GRM1: variants seen among roughly 807,000 people sequenced by gnomAD.
GRM1 encodes the protein metabotropic glutamate receptor 1.
In GRM1, 33 loss-of-function variants were observed where a neutral mutation model predicts 90.9. The ratio of observed to expected loss-of-function variants is 0.36; its 90% CI spans 0.28 to 0.49. The LOEUF (loss-of-function observed/expected upper bound fraction) is 0.49, where lower values mean the gene tolerates loss of function less well. GRM1 is among the 20% of genes least tolerant of loss of function. GRM1 has a pLI of 0.99. For synonymous variants in GRM1, 700 were observed against 613.2 expected (o/e 1.14, Z -2.09); for missense variants, 1,190 against 1,534.3 (o/e 0.78, Z 3.75).
chr6:146,257,974 G>A (rs754387885), intron 2 of GRM1, among the ~76,000 whole-genome samples: 9 of 143,882 alleles, frequency 6.3e-5, no homozygotes, highest in Admixed American at 7.1e-5. Flanking sequence ...CTTTCCATCC[G>A]TTTGTTCTTC....
chr6:146,203,547 G>A (rs1192653111), intron 2 of GRM1, among the ~76,000 whole-genome samples: 1 of 152,166 alleles, frequency 6.6e-6, no homozygotes, highest in Admixed American at 6.5e-5. Flanking sequence ...ACTCTGACTA[G>A]ATAGTCCTAT....
intron 2 of GRM1, among the ~76,000 whole-genome samples, chr6:146,225,878 A>T (rs763884124): frequency 3.9e-5 from 6 of 152,180 alleles, no homozygotes; most frequent in South Asian, 2.1e-4. Context: ...ATAAATGAGT[A>T]TGGCAAATCT....
chr6:146,291,164 C>T (rs1320442342), intron 2 of GRM1, among the ~76,000 whole-genome samples: 1 of 151,964 alleles, frequency 6.6e-6, no homozygotes, highest in Non-Finnish European at 1.5e-5. Flanking sequence ...TTTTTGTTTA[C>T]ATTTCCCTGG....
chr6:146,417,220 A>G (rs1198762081), intron 7 of GRM1, among the ~76,000 whole-genome samples: 2 of 152,176 alleles, frequency 1.3e-5, no homozygotes, highest in African/African-American at 4.8e-5. Flanking sequence ...TGTTCCTTCT[A>G]ATTTGTTGAT....
chr6:146,043,921 G>A (rs1439952781), intron 1 of GRM1, among the ~76,000 whole-genome samples: 1 of 151,008 alleles, frequency 6.6e-6, no homozygotes, highest in African/African-American at 2.4e-5. Context: ...GGAAACTGGA[G>A]GTATCTTACA....
intron 3 of GRM1, among the ~76,000 whole-genome samples, chr6:146,335,486 T>C (rs1784738954): frequency 6.6e-6 from 1 of 152,214 alleles, no homozygotes; most frequent in Non-Finnish European, 1.5e-5. Context: ...GTTTTATTTA[T>C]ATCACATTGT....
At chr6:146,126,400 T>C (rs763530109) in intron 1 of GRM1, among the ~76,000 whole-genome samples, 1 of 152,134 alleles carries the variant, frequency 6.6e-6, no homozygotes, top group Non-Finnish European at 1.5e-5. Flanking sequence ...GGTGCACATA[T>C]ATTTGTATAC....
intron 5 of GRM1, among the ~76,000 whole-genome samples, chr6:146,376,020 C>CT (rs1776085615): frequency 6.6e-6 from 1 of 151,794 alleles, no homozygotes; most frequent in African/African-American, 2.4e-5. Flanking sequence ...TCTTGCTTTT[C>CT]TTTTTTGTGT....
Position 146,386,921 on chromosome 6 carries a change from G to A in GRM1, c.1634G>A (p.Trp545Ter). ...VIRKGEVSCC[W>*]ICTACKENEY... ...CGGAAAGGAGAAGTGAGCTGCTGCT[G>A]GATTTGCACGGCCTGCAAAGAGAAT... Residue 545 changes from tryptophan to a stop codon, truncating the protein, a stop_gained, in exon 6 of 8, where the codon TGG becomes TAG. Coordinates refer to ENST00000282753, the MANE Select transcript of GRM1 (RefSeq NM_001278064.2). LOFTEE classifies it high-confidence loss of function. 1 of 1,609,750 alleles carries A rather than the reference G, an allele frequency of 6.2e-7. No homozygotes were observed. Among genetic ancestry groups the A allele is most frequent in the Non-Finnish European group, 8.5e-7 (1 of 1,176,242 alleles).
intron 3 of GRM1, among the ~76,000 whole-genome samples, chr6:146,332,880 A>T (rs1189917038): frequency 6.6e-6 from 1 of 152,198 alleles, no homozygotes; most frequent in African/African-American, 2.4e-5. Context: ...TCAGAGGGTT[A>T]GTTCCTGATA....
At chr6:146,082,602 C>T (rs1776401757) in intron 1 of GRM1, among the ~76,000 whole-genome samples, 1 of 152,172 alleles carries the variant, frequency 6.6e-6, no homozygotes, top group African/African-American at 2.4e-5. Context: ...CAAGTTCTAT[C>T]AAATCCATCT....
chr6:146,151,781 T>C (rs1562495072), intron 1 of GRM1, among the ~76,000 whole-genome samples: 1 of 152,192 alleles, frequency 6.6e-6, no homozygotes, highest in Non-Finnish European at 1.5e-5. Context: ...TTAACTTTAC[T>C]CTGGTATAAA....
Position 146,113,701 on chromosome 6 carries a change from A to G in GRM1, c.701-45647A>G, listed in dbSNP as rs146069402. 5.8e-3 allele frequency among the ~76,000 whole-genome samples: 886 copies of G among 152,322 alleles called. 6 individuals are homozygous for G. Among genetic ancestry groups the G allele is most frequent in the Middle Eastern group, 0.027 (8 of 294 alleles). On this transcript the variant is annotated intron_variant, in intron 1 of 7. Coordinates refer to ENST00000282753, the MANE Select transcript of GRM1 (RefSeq NM_001278064.2). The stretch of plus-strand genomic sequence containing the variant: ...AGTTTTTCCTCTCCAAATTTTTGAA[A>G]CAAAGCCTATAAATGACAGTGAAAC...
rs576516543 is a variant in GRM1, at chr6:146,374,450, T to G, written c.1603-12440T>G. Among the ~76,000 whole-genome samples, 3 of 152,240 alleles carry G rather than the reference T, an allele frequency of 2.0e-5. No homozygotes were observed. In the East Asian group the frequency reaches 5.8e-4, roughly 29 times the overall value. On this transcript the variant is annotated intron_variant, in intron 5 of 7. Transcript: ENST00000282753. ...TAGTTTGAGTAGAATTGGTATTAGG[T>G]TTTCTTTAAATGCTTGATAGAAATC...
chr6:146,219,863 T>G lies in GRM1; in HGVS notation c.950+60266T>G, dbSNP rs576795337. 2.0e-5 allele frequency among the ~76,000 whole-genome samples: 3 copies of G among 152,164 alleles called. No homozygotes were observed. In the East Asian group the frequency reaches 5.8e-4, roughly 29 times the overall value. ...CTCTCTGGCAAAAACTTCAGTGAAT[T>G]CTACCTTGTTACAAATACCTCCAAT... is the stretch of plus-strand genomic sequence containing the variant. On this transcript the variant is annotated intron_variant, in intron 2 of 7. Transcript: ENST00000282753.
intron 3 of GRM1, among the ~76,000 whole-genome samples, chr6:146,318,994 T>C (rs904364789): frequency 1.3e-5 from 2 of 152,236 alleles, no homozygotes; most frequent in Admixed American, 1.3e-4. Context: ...CAGAAGCTCT[T>C]TAATTAGATA....
intron 2 of GRM1, among the ~76,000 whole-genome samples, chr6:146,227,953 T>G (rs749273564): frequency 2.0e-5 from 3 of 152,156 alleles, no homozygotes; most frequent in Non-Finnish European, 4.4e-5. Flanking sequence ...AATCTGCACT[T>G]CTTAGAGATT....
intron 7 of GRM1, among the ~76,000 whole-genome samples, chr6:146,431,290 T>C (rs1233865918): frequency 6.6e-6 from 1 of 152,136 alleles, no homozygotes; most frequent in Non-Finnish European, 1.5e-5. Flanking sequence ...ATCTCAACAA[T>C]AAAAATTGGA....
At position 146,382,334 on chromosome 6, in the gene GRM1, A is replaced by C. The variant is rs12529933; in HGVS notation, c.1603-4556A>C. ...AGAACCTAAGATTTAAAAAAAAAAAAAAAACAACTTGTCTGAATGTAACAT... is the reference window on the plus strand; with the variant it reads ...AGAACCTAAGATTTAAAAAAAAAAACAAAACAACTTGTCTGAATGTAACAT... On this transcript the variant is annotated intron_variant, in intron 5 of 7. Transcript: ENST00000282753. Among the ~76,000 whole-genome samples, 1,023 of 151,898 alleles carry C rather than the reference A, an allele frequency of 6.7e-3. 47 individuals are homozygous for C. Among genetic ancestry groups the C allele is most frequent in the Admixed American group, 0.062 (938 of 15,204 alleles).
Sources: allele counts gnomAD v4.1 joint callset (sites outside exome capture counted in the v4.1 genomes callset), GRCh38; gene constraint gnomAD v4.1.1; transcripts MANE v1.5; gene names NCBI Gene and HGNC (gene_info 2026-07-23, HGNC 2026-07-21).